The following C1D variants were observed in gnomAD, a reference collection of about 807,000 sequenced individuals.
C1D encodes nuclear nucleic acid-binding protein C1D.
In C1D, 10 loss-of-function variants were observed where a neutral mutation model predicts 17.5. The observed-to-expected ratio is 0.57, with a 90% confidence interval of 0.35 to 0.97. C1D has a LOEUF of 0.97. C1D is among the 50% of genes least tolerant of loss of function. C1D has a pLI of 0.01. For missense variants in C1D, 136 were observed against 160.1 expected (o/e 0.85, Z 0.81); for synonymous variants, 49 against 54.0 (o/e 0.91, Z 0.40).
At chr2:68,050,663 G>A (rs1021646805) in intron 1 of C1D, among the ~76,000 whole-genome samples, 1 of 152,132 alleles carries the variant, frequency 6.6e-6, no homozygotes, top group African/African-American at 2.4e-5. Flanking sequence ...GAAGTGCCCA[G>A]AGGCTGTTCC....
intron 1 of C1D, among the ~76,000 whole-genome samples, chr2:68,055,231 A>G (rs1473216426): frequency 1.3e-5 from 2 of 152,200 alleles, no homozygotes; most frequent in African/African-American, 4.8e-5. Flanking sequence ...GGTGAAATGC[A>G]CATATTATGA....
rs1670972042 is a variant in C1D at position 68,042,148 on chromosome 2, C to T, written c.*741G>A. ...CTCTATTTGTGATGACTTCTAAAAC[C>T]TATCTTCCTAATTTGGAAGGCAAAT... On this transcript the variant is annotated 3_prime_UTR_variant, in exon 5 of 5. Coordinates refer to ENST00000410067, the MANE Select transcript of C1D (RefSeq NM_173177.3). The T allele has an allele frequency of 6.6e-6, 1 of 152,092 alleles. No homozygotes were observed. Among genetic ancestry groups the T allele is most frequent in the African/African-American group, 2.4e-5 (1 of 41,438 alleles). The allele number at this position is 152,092 out of a possible 1,614,324, so 9.4% of individuals were successfully genotyped here. A position where few individuals can be genotyped will look rare whatever the true frequency, so the allele number is the denominator to read the frequency against.
intron 1 of C1D, among the ~76,000 whole-genome samples, chr2:68,054,080 T>C (rs1671363287): frequency 6.6e-6 from 1 of 152,228 alleles, no homozygotes; most frequent in African/African-American, 2.4e-5. Context: ...GTATCCCCAG[T>C]GGCTGACACA....
At chr2:68,051,210 C>T (rs1452740310) in intron 1 of C1D, among the ~76,000 whole-genome samples, 1 of 152,180 alleles carries the variant, frequency 6.6e-6, no homozygotes, top group East Asian at 1.9e-4. Context: ...CCACCTCATT[C>T]GACATAAGAC....
chr2:68,060,513 G>A (rs941305249), intron 1 of C1D, among the ~76,000 whole-genome samples: 5 of 151,952 alleles, frequency 3.3e-5, no homozygotes, highest in Non-Finnish European at 7.4e-5. Flanking sequence ...CATGGCGACG[G>A]GTGCCTGTAA....
intron 1 of C1D, among the ~76,000 whole-genome samples, chr2:68,048,436 A>C (rs541715636): frequency 2.6e-5 from 4 of 152,306 alleles, no homozygotes; most frequent in African/African-American, 9.6e-5. Flanking sequence ...AAATCATTGA[A>C]TCTCTCTTGG....
chr2:68,046,284 A>C, intron 3 of C1D, 60 bp downstream of exon 3: 1 of 1,242,518 alleles, frequency 8.0e-7, no homozygotes, highest in Non-Finnish European at 1.2e-6. Context: ...TTTAAAAATA[A>C]ATCATCTTTC....
At chr2:68,050,251 ACTATTACC>A (rs1426389050) in intron 1 of C1D, among the ~76,000 whole-genome samples, 1 of 152,100 alleles carries the variant, frequency 6.6e-6, no homozygotes, top group African/African-American at 2.4e-5. Flanking sequence ...CGTCTGCTGG[ACTATTACC>A]CATAAGTTTA....
Position 68,052,322 on chromosome 2 carries a change from A to AT in C1D, c.-9-5004dup, listed in dbSNP as rs556095052. On this transcript the variant is annotated intron_variant, in intron 1 of 4. Transcript: ENST00000410067. ...TAGGGAATAGGTTCAAAGCAGACTC[A>AT]TTTTTTTAACTCTTCATTCTTCATT... Among the ~76,000 whole-genome samples, 35 of 152,306 alleles carry AT rather than the reference A, an allele frequency of 2.3e-4. No individual in the cohort carries two copies. The East Asian group carries it at 3.7e-3, about 16-fold the overall frequency.
Position 68,042,838 on chromosome 2 carries a change from G to GGGGGA in C1D, c.*50_*51insTCCCC. On this transcript the variant is annotated 3_prime_UTR_variant, in exon 5 of 5. Coordinates refer to ENST00000410067, the MANE Select transcript of C1D (RefSeq NM_173177.3). ...CACAGAATTATTTTGCGGGGGGGGG[G>GGGGGA]GGGGGGGGGAAGATGTACTTTTTGA... The GGGGGA allele has an allele frequency of 7.9e-6, 3 of 377,420 alleles. No homozygotes were observed. Among genetic ancestry groups the GGGGGA allele is most frequent in the Non-Finnish European group, 1.3e-5 (3 of 224,574 alleles). 23.4% of individuals were successfully genotyped at this position (377,420 alleles called of 1,614,324 possible). A position where few individuals can be genotyped will look rare whatever the true frequency, so the allele number is the denominator to read the frequency against.
chr2:68,049,837 T>C (rs1035290640), intron 1 of C1D, among the ~76,000 whole-genome samples: 18 of 152,178 alleles, frequency 1.2e-4, no homozygotes, highest in African/African-American at 3.9e-4. Flanking sequence ...CTTAACTGCA[T>C]AAAAACATTT....
In C1D at chr2:68,048,389, G is replaced by A. The variant is rs188005499; in HGVS notation, c.-9-1070C>T. 3.3e-5 allele frequency among the ~76,000 whole-genome samples: 5 copies of A among 152,246 alleles called. No homozygotes were observed. The East Asian group carries it at 9.6e-4, about 29-fold the overall frequency. ...GCAGAATGGAAGTAAAGAGACTTGG[G>A]CTTTCTGTCTTGATCACTGACTTTG... On this transcript the variant is annotated intron_variant, in intron 1 of 4. Transcript: ENST00000410067.
intron 1 of C1D, among the ~76,000 whole-genome samples, chr2:68,049,811 G>C (rs1397770141): frequency 6.6e-6 from 1 of 152,022 alleles, no homozygotes; most frequent in East Asian, 1.9e-4. Context: ...AAATGCTATA[G>C]GAAATGGCTG....
Position 68,047,244 on chromosome 2 carries a change from T to C in C1D, c.67A>G (p.Asn23Asp). The change falls in exon 2 of 5, where the codon AAT (asparagine) becomes GAT (aspartate). Residue 23 changes from asparagine to aspartate, a missense_variant. By Grantham distance (23) the Asn-to-Asp change is conservative (BLOSUM62 1). Transcript: ENST00000410067. ...EIHEYLSAFE[N>D]SIGAVDEMLK... ...ATCTCATCCACAGCACCAATGGAAT[T>C]CTCAAACGCTGACAAATACTCGTGA... The C allele has an allele frequency of 6.2e-7, 1 of 1,612,686 alleles. No individual in the cohort carries two copies. Among genetic ancestry groups the C allele is most frequent in the Non-Finnish European group, 8.5e-7 (1 of 1,179,402 alleles).
At chr2:68,050,394 A>G (rs895053688) in intron 1 of C1D, among the ~76,000 whole-genome samples, 4 of 152,026 alleles carry the variant, frequency 2.6e-5, no homozygotes, top group African/African-American at 9.7e-5. Context: ...AGATGCTTAT[A>G]CTAACAGTCT....
chr2:68,047,478 T>G (rs1362858434), intron 1 of C1D, among the ~76,000 whole-genome samples, 159 bp from the exon 2 acceptor site: 1 of 152,228 alleles, frequency 6.6e-6, no homozygotes, highest in Non-Finnish European at 1.5e-5. Flanking sequence ...ATTAACTACA[T>G]TCCAATTTGT....
intron 1 of C1D, among the ~76,000 whole-genome samples, chr2:68,060,946 G>C (rs9807974): frequency 0.26 from 39,237 of 151,988 alleles, 6,526 homozygotes; most frequent in African/African-American, 0.47. Flanking sequence ...AACCTAAGAC[G>C]TAATTTTGGA....
chr2:68,047,418 G>T (rs1324431612), intron 1 of C1D, 99 bp from the exon 2 acceptor site: 2 of 830,722 alleles, frequency 2.4e-6, no homozygotes, highest in Non-Finnish European at 3.6e-6. Context: ...TATTTCAAAG[G>T]CACTAAGAGT....
chr2:68,047,883 A>G (rs1671177050), intron 1 of C1D, among the ~76,000 whole-genome samples: 1 of 152,238 alleles, frequency 6.6e-6, no homozygotes, highest in Non-Finnish European at 1.5e-5. Flanking sequence ...TGCTGAAGAA[A>G]TGGTAAGCAA....
Sources: gnomAD v4.1 joint callset for allele counts (sites outside exome capture counted in the v4.1 genomes callset) on GRCh38, gnomAD v4.1.1 for gene constraint, MANE v1.5 for transcripts, NCBI Gene and HGNC (gene_info 2026-07-23, HGNC 2026-07-21) for gene names.